RPRD1B: variants seen among roughly 807,000 people sequenced by gnomAD.
RPRD1B encodes regulation of nuclear pre-mRNA domain-containing protein 1B.
A neutral mutation model predicts 41.5 loss-of-function variants in RPRD1B; 11 were observed. That is an observed-to-expected ratio of 0.27 (90% CI 0.17 to 0.44). The LOEUF (loss-of-function observed/expected upper bound fraction) is 0.44. Ranked by LOEUF, RPRD1B falls within the 20% of genes least tolerant of loss-of-function variation. The pLI is 1.00. For missense variants in RPRD1B, 248 were observed against 389.9 expected (o/e 0.64, Z 3.06); for synonymous variants, 158 against 155.6 (o/e 1.02, Z -0.12).
chr20:38,057,220 C>T (rs1180232484), intron 3 of RPRD1B, among the ~76,000 whole-genome samples: 1 of 152,048 alleles, frequency 6.6e-6, no homozygotes, highest in Non-Finnish European at 1.5e-5. Context: ...CGTTGGTTTG[C>T]TTCATTGTAT....
At chr20:38,085,121 C>T (rs1600443953) in intron 6 of RPRD1B, among the ~76,000 whole-genome samples, 2 of 152,268 alleles carry the variant, frequency 1.3e-5, no homozygotes, top group Admixed American at 1.3e-4. Flanking sequence ...TTGGGTTTTG[C>T]CATGTCTTCT....
At position 38,048,478 on chromosome 20, in the gene RPRD1B, A is replaced by C. The variant is rs1367484573; in HGVS notation, c.412A>C (p.Lys138Gln). ...GGAGGACTCCAAGAGCCCTCCCCCC[A>C]AAGGTAGAAACATCACCACATGTTT... ...SMEDSKSPPP[K>Q]ATEEKKSLKR... Residue 138 changes from lysine to glutamine, a missense_variant, in exon 3 of 7, where the codon AAA becomes CAA. Transcript: ENST00000373433. The C allele has an allele frequency of 1.2e-6, 2 of 1,603,062 alleles. No homozygotes were observed. Among genetic ancestry groups the C allele is most frequent in the South Asian group, 2.2e-5 (2 of 90,126 alleles).
intron 3 of RPRD1B, among the ~76,000 whole-genome samples, chr20:38,049,293 G>A (rs1158031758): frequency 6.6e-6 from 1 of 150,918 alleles, no homozygotes; most frequent in African/African-American, 2.4e-5. Flanking sequence ...TCTTTAGGAA[G>A]TGCATCTGTG....
At chr20:38,046,443 A>G (rs1017905764) in intron 2 of RPRD1B, among the ~76,000 whole-genome samples, 2 of 152,246 alleles carry the variant, frequency 1.3e-5, no homozygotes, top group African/African-American at 4.8e-5. Flanking sequence ...GCATATAGCA[A>G]TGGGAGAAAA....
intron 6 of RPRD1B, among the ~76,000 whole-genome samples, chr20:38,076,576 C>G (rs966649061): frequency 1.3e-5 from 2 of 152,240 alleles, no homozygotes; most frequent in Non-Finnish European, 2.9e-5. Flanking sequence ...CCCTTGCTGC[C>G]TCTGCTTCTC....
At chr20:38,085,025 T>C (rs1319384533) in intron 6 of RPRD1B, among the ~76,000 whole-genome samples, 1 of 152,188 alleles carries the variant, frequency 6.6e-6, no homozygotes, top group Non-Finnish European at 1.5e-5. Flanking sequence ...CAGTAGGTAC[T>C]TGCCGCTGAA....
chr20:38,038,700 G>A (rs542409408), intron 1 of RPRD1B, among the ~76,000 whole-genome samples: 12 of 152,106 alleles, frequency 7.9e-5, no homozygotes, highest in East Asian at 1.9e-4. Flanking sequence ...GTTTCACCAT[G>A]TTAGCCAGGA....
Position 38,089,917 on chromosome 20 carries a change from A to G in RPRD1B, c.*42A>G. 2 of 1,601,882 alleles carry G rather than the reference A, an allele frequency of 1.2e-6. No homozygotes were observed. The highest frequency in any genetic ancestry group is 1.7e-6 in the Non-Finnish European group (2 of 1,173,956). On this transcript the variant is annotated 3_prime_UTR_variant, in exon 7 of 7. Coordinates refer to ENST00000373433, the MANE Select transcript of RPRD1B (RefSeq NM_021215.4). ...CAGATTTCTGTTTGTACCAGCAGAA[A>G]GAAGAGGGCAAGTCATGGTTGGAAA...
chr20:38,042,422 G>A lies in RPRD1B; in HGVS notation c.281+1858G>A, dbSNP rs145324763. Among the ~76,000 whole-genome samples the A allele has an allele frequency of 1.8e-3, 278 of 152,258 alleles. 1 individual carries two copies. Among genetic ancestry groups the A allele is most frequent in the South Asian group, 9.7e-3 (47 of 4,828 alleles). ...GAAACCAAAAAGTAAATAGAAAGGGGTGGAAAAGGGGGTGGGCAACACCAG... is the reference window on the plus strand; with the variant it reads ...GAAACCAAAAAGTAAATAGAAAGGGATGGAAAAGGGGGTGGGCAACACCAG... On this transcript the variant is annotated intron_variant, in intron 2 of 6. Transcript: ENST00000373433.
chr20:38,039,363 A>C (rs1012789841), intron 1 of RPRD1B, among the ~76,000 whole-genome samples: 1 of 151,942 alleles, frequency 6.6e-6, no homozygotes, highest in African/African-American at 2.4e-5. Flanking sequence ...TGGTTATTGG[A>C]GTATCAGAGA....
At chr20:38,055,486 G>A (rs1263616662) in intron 3 of RPRD1B, among the ~76,000 whole-genome samples, 1 of 150,988 alleles carries the variant, frequency 6.6e-6, no homozygotes, top group African/African-American at 2.4e-5. Context: ...CCTCTAGGAC[G>A]TTGTCATTCT....
intron 6 of RPRD1B, among the ~76,000 whole-genome samples, chr20:38,075,933 A>G (rs1377635336): frequency 1.3e-5 from 2 of 152,222 alleles, no homozygotes; most frequent in African/African-American, 2.4e-5. Context: ...AAGAAGTATG[A>G]TTAGCTCTCT....
chr20:38,079,786 T>G (rs2074497067), intron 6 of RPRD1B, among the ~76,000 whole-genome samples: 1 of 152,228 alleles, frequency 6.6e-6, no homozygotes, highest in African/African-American at 2.4e-5. Context: ...TTAAGTTCTT[T>G]GAGAAATCTC....
intron 2 of RPRD1B, among the ~76,000 whole-genome samples, chr20:38,046,912 C>T (rs545462532): frequency 6.6e-6 from 1 of 152,234 alleles, no homozygotes; most frequent in African/African-American, 2.4e-5. Flanking sequence ...GTGACGTGGT[C>T]TGCCTTAGTA....
rs2074618152 is a variant in RPRD1B, at chr20:38,092,362, C to G, written c.*2487C>G. ...TTTGAATAAAGATGGTGTTGTTGAA[C>G]AACATTGTGTGATTTTTTTTTTAAA... is the stretch of plus-strand genomic sequence containing the variant. On this transcript the variant is annotated 3_prime_UTR_variant, in exon 7 of 7. Transcript: ENST00000373433. 7.2e-6 allele frequency: 7 copies of G among 967,728 alleles called. No individual in the cohort carries two copies. Among genetic ancestry groups the G allele is most frequent in the Non-Finnish European group, 8.6e-6 (7 of 813,664 alleles). The allele number at this position is 967,728 out of a possible 1,614,324, so 59.9% of individuals were successfully genotyped here. A position where few individuals can be genotyped will look rare whatever the true frequency, so the allele number is the denominator to read the frequency against.
rs1398526031 is a variant in RPRD1B, at chr20:38,090,922, T to C, written c.*1047T>C. 1.0e-6 allele frequency: 1 copy of C among 985,316 alleles called. No homozygotes were observed. The highest frequency in any genetic ancestry group is 1.7e-5 in the African/African-American group (1 of 57,240). The allele number at this position is 985,316 out of a possible 1,614,324, so 61.0% of individuals were successfully genotyped here. A position where few individuals can be genotyped will look rare whatever the true frequency, so the allele number is the denominator to read the frequency against. On this transcript the variant is annotated 3_prime_UTR_variant, in exon 7 of 7. Transcript: ENST00000373433. ...TGTCACGCCACTGCACAGGTCCTTGTCCCCACACGACGGGGAGTACTTGCG... is the reference window on the plus strand; with the variant it reads ...TGTCACGCCACTGCACAGGTCCTTGCCCCCACACGACGGGGAGTACTTGCG...
Position 38,063,031 on chromosome 20 carries a change from C to T in RPRD1B, c.656-3050C>T, listed in dbSNP as rs115923657. Reference sequence around the variant, plus strand: ...AGAGTCTTTCACTGGCCTCTGTTACCGCAAGACTTTTACTATTTTCCCCTC... The same window carrying T: ...AGAGTCTTTCACTGGCCTCTGTTACTGCAAGACTTTTACTATTTTCCCCTC... On this transcript the variant is annotated intron_variant, in intron 5 of 6. Transcript: ENST00000373433. Among the ~76,000 whole-genome samples the T allele has an allele frequency of 3.9e-3, 600 of 152,058 alleles. 5 individuals carry two copies. The highest frequency in any genetic ancestry group is 0.014 in the African/African-American group (569 of 41,472).
intron 6 of RPRD1B, among the ~76,000 whole-genome samples, chr20:38,069,745 A>G (rs1479299736): frequency 6.6e-6 from 1 of 152,236 alleles, no homozygotes. Flanking sequence ...CAGTAAGGAA[A>G]ATATTCTCAC....
At chr20:38,051,878 A>G (rs1255311738) in intron 3 of RPRD1B, among the ~76,000 whole-genome samples, 1 of 152,162 alleles carries the variant, frequency 6.6e-6, no homozygotes, top group Non-Finnish European at 1.5e-5. Flanking sequence ...CAGCCTTCCA[A>G]GTAGCTGGGA....
Sources: allele counts gnomAD v4.1 joint callset (sites outside exome capture counted in the v4.1 genomes callset), GRCh38; gene constraint gnomAD v4.1.1; transcripts MANE v1.5; gene names NCBI Gene and HGNC (gene_info 2026-07-23, HGNC 2026-07-21).